The following GPC6 variants were observed in gnomAD, a reference collection of about 807,000 sequenced individuals.
GPC6 encodes the protein glypican 6.
Under a neutral mutation model 55.2 loss-of-function variants are expected in GPC6, and 14 were observed. The observed-to-expected ratio is 0.25, with a 90% CI of 0.17 to 0.40. The LOEUF (loss-of-function observed/expected upper bound fraction) is 0.40, where lower values mean the gene tolerates loss of function less well. GPC6 is among the 10% of genes least tolerant of loss of function. The probability of loss-of-function intolerance (pLI) is 1.00; values close to 1 mark genes in which losing one functional copy is unlikely to be tolerated. For synonymous variants in GPC6, 278 were observed against 259.6 expected (o/e 1.07, Z -0.68); for missense variants, 641 against 708.5 (o/e 0.90, Z 1.08).
intron 3 of GPC6, among the ~76,000 whole-genome samples, chr13:93,890,943 G>A (rs1376686414): frequency 6.6e-6 from 1 of 151,794 alleles, no homozygotes; most frequent in Non-Finnish European, 1.5e-5. Context: ...TTTGTTTTCT[G>A]TTAATCAAAT....
At position 94,323,115 on chromosome 13, in the gene GPC6, T is replaced by G. The variant is rs537441252; in HGVS notation, c.1152+16992T>G. Among the ~76,000 whole-genome samples the G allele has an allele frequency of 4.6e-5, 7 of 152,148 alleles. No homozygotes were observed. The South Asian group carries it at 1.5e-3, about 32-fold the overall frequency. On this transcript the variant is annotated intron_variant, in intron 6 of 8. Transcript: ENST00000377047. ...TGCGAAAGAAGCCGGCTCCACACAG[T>G]CTAGGGATGTGGCTCCCTTAACTTC... is the stretch of plus-strand genomic sequence containing the variant.
At chr13:93,670,703 G>T (rs1407301472) in intron 2 of GPC6, among the ~76,000 whole-genome samples, 2 of 152,188 alleles carry the variant, frequency 1.3e-5, no homozygotes, top group African/African-American at 4.8e-5. Flanking sequence ...TGTAATAAAT[G>T]CTTCAGAAGA....
At chr13:93,250,643 T>C (rs1295452767) in intron 1 of GPC6, among the ~76,000 whole-genome samples, 2 of 152,178 alleles carry the variant, frequency 1.3e-5, no homozygotes, top group Admixed American at 6.5e-5. Flanking sequence ...AGACCAGTGC[T>C]ACCCAGGTGA....
intron 2 of GPC6, among the ~76,000 whole-genome samples, chr13:93,740,511 T>A (rs1884164219): frequency 6.6e-6 from 1 of 152,162 alleles, no homozygotes; most frequent in Admixed American, 6.5e-5. Flanking sequence ...CTGGGAGGAA[T>A]TCAAAACATG....
At chr13:93,796,545 C>T (rs557908019) in intron 2 of GPC6, among the ~76,000 whole-genome samples, 19 of 152,004 alleles carry the variant, frequency 1.2e-4, no homozygotes, top group African/African-American at 4.3e-4. Context: ...TATTAAATGA[C>T]GTTAAATTAA....
intron 1 of GPC6, among the ~76,000 whole-genome samples, chr13:93,365,983 A>T (rs1302675620): frequency 6.6e-6 from 1 of 152,048 alleles, no homozygotes. Flanking sequence ...TTTCATAGTC[A>T]TATTTTACAT....
intron 2 of GPC6, among the ~76,000 whole-genome samples, chr13:93,774,199 C>A (rs1885388537): frequency 6.6e-6 from 1 of 152,102 alleles, no homozygotes; most frequent in Non-Finnish European, 1.5e-5. Context: ...AGGCACTATT[C>A]CTAAGTAACG....
At chr13:93,939,052 A>G (rs892113046) in intron 3 of GPC6, among the ~76,000 whole-genome samples, 10 of 152,294 alleles carry the variant, frequency 6.6e-5, no homozygotes, top group African/African-American at 2.4e-4. Context: ...CAGTGAGCCC[A>G]GATCGTGCCA....
At chr13:93,508,265 T>C (rs1880812249) in intron 1 of GPC6, among the ~76,000 whole-genome samples, 2 of 152,160 alleles carry the variant, frequency 1.3e-5, no homozygotes, top group African/African-American at 2.4e-5. Context: ...ATTAGGCAGT[T>C]ATAGAAGGCC....
At chr13:93,363,869 A>C (rs938396608) in intron 1 of GPC6, among the ~76,000 whole-genome samples, 5 of 151,954 alleles carry the variant, frequency 3.3e-5, no homozygotes, top group Admixed American at 3.3e-4. Context: ...TTTGATTTGC[A>C]ATTCTCTGAT....
At chr13:93,665,677 T>C (rs1230977446) in intron 2 of GPC6, among the ~76,000 whole-genome samples, 1 of 152,174 alleles carries the variant, frequency 6.6e-6, no homozygotes, top group Non-Finnish European at 1.5e-5. Context: ...GAAAAAGTTT[T>C]GTAAGAGTGG....
intron 4 of GPC6, among the ~76,000 whole-genome samples, chr13:94,214,259 G>A (rs1380787601): frequency 6.6e-6 from 1 of 152,180 alleles, no homozygotes; most frequent in Non-Finnish European, 1.5e-5. Context: ...CTGTACAGTT[G>A]TACTGACTCT....
At chr13:93,409,556 A>G (rs9561340) in intron 1 of GPC6, among the ~76,000 whole-genome samples, 25,434 of 152,104 alleles carry the variant, frequency 0.17, 2,657 homozygotes, top group East Asian at 0.47. Flanking sequence ...ACTTGCATCT[A>G]TGATAAATGA....
At chr13:94,189,436 T>C (rs916372441) in intron 4 of GPC6, among the ~76,000 whole-genome samples, 6 of 152,170 alleles carry the variant, frequency 3.9e-5, no homozygotes, top group African/African-American at 1.4e-4. Flanking sequence ...CCCTGGGATG[T>C]TCCCTTTACT....
intron 2 of GPC6, among the ~76,000 whole-genome samples, chr13:93,575,460 G>C (rs548147098): frequency 6.6e-6 from 1 of 152,268 alleles, no homozygotes; most frequent in South Asian, 2.1e-4. Flanking sequence ...TGGACCCTCA[G>C]TCCCAGAGTT....
At chr13:93,955,573 G>A (rs1879472991) in intron 3 of GPC6, among the ~76,000 whole-genome samples, 1 of 151,986 alleles carries the variant, frequency 6.6e-6, no homozygotes, top group South Asian at 2.1e-4. Flanking sequence ...CACATTTCTA[G>A]GCAACACTAT....
chr13:93,458,613 G>C (rs146463479), intron 1 of GPC6, among the ~76,000 whole-genome samples: 1 of 152,120 alleles, frequency 6.6e-6, no homozygotes, highest in African/African-American at 2.4e-5. Context: ...TAGAAAATTG[G>C]GGAAAATATT....
At chr13:94,257,706 T>G (rs2139045683) in intron 4 of GPC6, among the ~76,000 whole-genome samples, 1 of 152,224 alleles carries the variant, frequency 6.6e-6, no homozygotes, top group South Asian at 2.1e-4. Context: ...AGCCAGCTGG[T>G]TTCTCATTTA....
intron 1 of GPC6, among the ~76,000 whole-genome samples, chr13:93,413,430 A>G (rs1265985884): frequency 6.6e-6 from 1 of 152,164 alleles, no homozygotes; most frequent in Non-Finnish European, 1.5e-5. Flanking sequence ...CATGATATGA[A>G]CTATATAACT....
Sources: allele counts gnomAD v4.1 joint callset (sites outside exome capture counted in the v4.1 genomes callset), GRCh38; gene constraint gnomAD v4.1.1; transcripts MANE v1.5; gene names NCBI Gene and HGNC (gene_info 2026-07-23, HGNC 2026-07-21).